The following A1CF variants were observed in gnomAD, a reference collection of about 807,000 sequenced individuals.
A1CF encodes the protein APOBEC1 complementation factor, also known as APOBEC-1 stimulating protein.
Under a neutral mutation model 68.9 loss-of-function variants are expected in A1CF, and 48 were observed. The observed-to-expected ratio is 0.70, with a 90% CI of 0.55 to 0.89. The LOEUF (loss-of-function observed/expected upper bound fraction) is 0.89. A1CF is among the 40% of genes least tolerant of loss of function. The probability of loss-of-function intolerance (pLI) is 0.00; values close to 1 mark genes in which losing one functional copy is unlikely to be tolerated. For missense variants in A1CF, 653 were observed against 718.9 expected (o/e 0.91, Z 1.05); for synonymous variants, 272 against 260.4 (o/e 1.04, Z -0.43).
chr10:50,805,128 A>T lies in A1CF; in HGVS notation c.*1601T>A, dbSNP rs1261240022. On this transcript the variant is annotated 3_prime_UTR_variant, in exon 13 of 13. Transcript: ENST00000373997. ...TACAAGTACTTCTGATTGTGATTAAAATTTACCTGATTTTGATTAGAATCT... is the reference window on the plus strand; with the variant it reads ...TACAAGTACTTCTGATTGTGATTAATATTTACCTGATTTTGATTAGAATCT... The T allele has an allele frequency of 6.6e-6, 1 of 152,208 alleles. No individual in the cohort carries two copies. Among genetic ancestry groups the T allele is most frequent in the Non-Finnish European group, 1.5e-5 (1 of 68,042 alleles). The allele number at this position is 152,208 out of a possible 1,614,324, so 9.4% of individuals were successfully genotyped here. A position where few individuals can be genotyped will look rare whatever the true frequency, so the allele number is the denominator to read the frequency against.
At position 50,841,908 on chromosome 10, in the gene A1CF, C is replaced by T; in HGVS notation, c.319G>A (p.Val107Met). 6.2e-7 allele frequency: 1 copy of T among 1,613,330 alleles called. No individual in the cohort carries two copies. The highest frequency in any genetic ancestry group is 8.5e-7 in the Non-Finnish European group (1 of 1,179,702). Residue 107 changes from valine (V) to methionine (M), a missense_variant, in exon 5 of 13, where the codon GTG (valine) becomes ATG (methionine). By Grantham distance (21) the Val-to-Met change is conservative. Coordinates refer to ENST00000373997, the MANE Select transcript of A1CF (RefSeq NM_014576.4). Reference sequence around the variant, plus strand: ...TGCTTGATTGCATTCTTGGCTTCCACTTTATTTGAAAATGTTACAAATGCA... The same window carrying T: ...TGCTTGATTGCATTCTTGGCTTCCATTTTATTTGAAAATGTTACAAATGCA... Reference protein sequence around the residue: ...GYAFVTFSNKVEAKNAIKQLN... With the variant: ...GYAFVTFSNKMEAKNAIKQLN...
chr10:50,846,161 C>A (rs541887536), intron 3 of A1CF, among the ~76,000 whole-genome samples: 1 of 152,212 alleles, frequency 6.6e-6, no homozygotes, highest in South Asian at 2.1e-4. Flanking sequence ...AAATTCCACA[C>A]CTGACCTCAT....
At chr10:50,827,605 A>T (rs1839018054) in intron 7 of A1CF, among the ~76,000 whole-genome samples, 1 of 152,206 alleles carries the variant, frequency 6.6e-6, no homozygotes, top group African/African-American at 2.4e-5. Context: ...GACATACATA[A>T]CATACCAGAA....
intron 3 of A1CF, among the ~76,000 whole-genome samples, chr10:50,851,092 G>A (rs1840220515): frequency 2.0e-5 from 3 of 152,124 alleles, no homozygotes; most frequent in Admixed American, 6.5e-5. Flanking sequence ...CCAATGCACC[G>A]GGTTTGAGGC....
chr10:50,875,085 A>G (rs1032966928), intron 1 of A1CF, among the ~76,000 whole-genome samples: 3 of 152,228 alleles, frequency 2.0e-5, no homozygotes, highest in African/African-American at 7.2e-5. Flanking sequence ...TTATTCCACC[A>G]GCCAAATACA....
rs571150873 is a variant in A1CF, at chr10:50,878,128, AAAAAAAAG to A, written c.-94+7445_-94+7452del. ...CAGAGTGAGACTCCATCTCAAAAAG[AAAAAAAAG>A]AAAAAAAGAGAAAAACTGCCAGAGA... On this transcript the variant is annotated intron_variant, in intron 1 of 12. Coordinates refer to ENST00000373997, the MANE Select transcript of A1CF (RefSeq NM_014576.4). Among the ~76,000 whole-genome samples the A allele has an allele frequency of 5.8e-3, 884 of 152,146 alleles. 2 individuals are homozygous for A. Among genetic ancestry groups the A allele is most frequent in the Non-Finnish European group, 9.5e-3 (643 of 67,974 alleles).
Position 50,820,581 on chromosome 10 carries a change from C to A in A1CF, c.838G>T (p.Val280Phe). Residue 280 changes from valine to phenylalanine, a missense_variant, in exon 8 of 13, where the codon GTT (valine) becomes TTT (phenylalanine). Physicochemically the swap from Val to Phe is conservative, Grantham distance 50. Coordinates refer to ENST00000373997, the MANE Select transcript of A1CF (RefSeq NM_014576.4). ...CCATTTAAAGCTTTCATAGCCTCAA[C>A]TGCATCTTCTCGGTTACTGAAGTGC... is the stretch of plus-strand genomic sequence containing the variant. Reference protein sequence around the residue: ...FVHFSNREDAVEAMKALNGKV... With the variant: ...FVHFSNREDAFEAMKALNGKV... 6.2e-7 allele frequency: 1 copy of A among 1,613,586 alleles called. No homozygotes were observed. Among genetic ancestry groups the A allele is most frequent in the South Asian group, 1.1e-5 (1 of 91,046 alleles).
intron 2 of A1CF, among the ~76,000 whole-genome samples, chr10:50,861,600 GT>G (rs1206649245): frequency 2.0e-5 from 3 of 147,434 alleles, no homozygotes; most frequent in Non-Finnish European, 4.5e-5. Context: ...ACCAATATTA[GT>G]ACCAATATTA....
intron 6 of A1CF, 89 bp from the exon 7 acceptor site, chr10:50,828,384 T>TCAAGG: frequency 1.8e-6 from 2 of 1,141,162 alleles, no homozygotes; most frequent in Non-Finnish European, 2.4e-6. Flanking sequence ...TAAATTGACC[T>TCAAGG]GACCCTTGAG....
At position 50,859,966 on chromosome 10, in the gene A1CF, A is replaced by G; in HGVS notation, c.-26T>C. 6.2e-7 allele frequency: 1 copy of G among 1,600,754 alleles called. No individual in the cohort carries two copies. The highest frequency in any genetic ancestry group is 1.3e-5 in the African/African-American group (1 of 74,782). ...TGAGAGTGATTATCAGCAAAAAATC[A>G]GGTTAATTAGGGTTGCTCACTGAAA... On this transcript the variant is annotated 5_prime_UTR_variant, in exon 3 of 13. Coordinates refer to ENST00000373997, the MANE Select transcript of A1CF (RefSeq NM_014576.4).
chr10:50,813,254 A>C (rs1372552247), intron 10 of A1CF, among the ~76,000 whole-genome samples: 3 of 152,214 alleles, frequency 2.0e-5, no homozygotes. Context: ...TAATTTTCCA[A>C]TAATAAAAAC....
intron 5 of A1CF, among the ~76,000 whole-genome samples, chr10:50,841,028 A>G (rs145689646): frequency 4.4e-4 from 67 of 152,256 alleles, no homozygotes; most frequent in African/African-American, 1.6e-3. Context: ...TCTCTTGTCC[A>G]AATCTAGACA....
At chr10:50,832,868 T>G (rs79756633) in intron 6 of A1CF, among the ~76,000 whole-genome samples, 1 of 136,172 alleles carries the variant, frequency 7.3e-6, no homozygotes, top group African/African-American at 3.3e-5. Context: ...AGGTACTATG[T>G]TTTTTTTTTT....
At chr10:50,831,804 G>T (rs1394022936) in intron 6 of A1CF, among the ~76,000 whole-genome samples, 2 of 151,982 alleles carry the variant, frequency 1.3e-5, no homozygotes, top group Non-Finnish European at 2.9e-5. Context: ...TCGCCAACAG[G>T]TATATGAAAA....
rs1209167485 is a variant in A1CF at position 50,813,968 on chromosome 10, C to T, written c.1212G>A (p.Gln404=). Residue 404 remains glutamine (Q), a synonymous_variant, in exon 10 of 13, where the codon CAG becomes CAA. Coordinates refer to ENST00000373997, the MANE Select transcript of A1CF (RefSeq NM_014576.4). ...LAYTGLGRGY[Q]VKGDKREDKL... ...TGTCTTCTCTTTTGTCTCCTTTGACCTGGTATCCTCGACCCAGGCCTGTGT... is the reference window on the plus strand; with the variant it reads ...TGTCTTCTCTTTTGTCTCCTTTGACTTGGTATCCTCGACCCAGGCCTGTGT... 6.2e-7 allele frequency: 1 copy of T among 1,613,878 alleles called. No homozygotes were observed. The highest frequency in any genetic ancestry group is 8.5e-7 in the Non-Finnish European group (1 of 1,179,858).
At position 50,806,830 on chromosome 10, in the gene A1CF, G is replaced by T; in HGVS notation, c.1660C>A (p.Gln554Lys). The T allele has an allele frequency of 1.2e-6, 2 of 1,613,630 alleles. No individual in the cohort carries two copies. The highest frequency in any genetic ancestry group is 1.7e-6 in the Non-Finnish European group (2 of 1,179,728). The change falls in exon 13 of 13, where the codon CAA (glutamine) becomes AAA (lysine). Residue 554 changes from glutamine to lysine, a missense_variant. Gln to Lys is a moderately conservative substitution (Grantham distance 53, BLOSUM62 1). Transcript: ENST00000373997. Reference protein sequence around the residue: ...TAPVSAAQLKQAVTLGQDLAA... With the variant: ...TAPVSAAQLKKAVTLGQDLAA... ...AAGTCTTGTCCAAGGGTTACCGCTT[G>T]CTTGAGCTGGGCTGCAGACACGGGT...
chr10:50,806,954 T>C, intron 12 of A1CF, 74 bp from the exon 13 acceptor site: 1 of 1,455,880 alleles, frequency 6.9e-7, no homozygotes, highest in Non-Finnish European at 9.3e-7. Context: ...TGTCTTCTTT[T>C]AGAAATACGA....
chr10:50,806,641 G>C lies in A1CF; in HGVS notation c.*88C>G. ...TTTCTTTAGGAAACATATTATTTAT[G>C]ATCATTGGGGACCGAGTTAGAGGTT... On this transcript the variant is annotated 3_prime_UTR_variant, in exon 13 of 13. Transcript: ENST00000373997. The C allele has an allele frequency of 8.0e-7, 1 of 1,252,656 alleles. No homozygotes were observed. Among genetic ancestry groups the C allele is most frequent in the Non-Finnish European group, 1.1e-6 (1 of 932,044 alleles). The allele number at this position is 1,252,656 out of a possible 1,614,324, so 77.6% of individuals were successfully genotyped here. A position where few individuals can be genotyped will look rare whatever the true frequency, so the allele number is the denominator to read the frequency against.
intron 12 of A1CF, 94 bp from the exon 13 acceptor site, chr10:50,806,974 A>G: frequency 1.6e-6 from 2 of 1,287,528 alleles, no homozygotes; most frequent in Non-Finnish European, 1.1e-6. Context: ...AACATTTAAC[A>G]TATTGCTTAA....
Sources: allele counts gnomAD v4.1 joint callset (sites outside exome capture counted in the v4.1 genomes callset), GRCh38; gene constraint gnomAD v4.1.1; transcripts MANE v1.5; gene names NCBI Gene and HGNC (gene_info 2026-07-23, HGNC 2026-07-21).